The following LRRTM4 variants were observed in gnomAD, a reference collection of about 807,000 sequenced individuals.
The protein encoded by LRRTM4 is leucine rich repeat transmembrane neuronal 4.
In LRRTM4, 25 loss-of-function variants were observed where a neutral mutation model predicts 47.6. That is an observed-to-expected ratio of 0.53 (90% CI 0.38 to 0.73). The LOEUF (loss-of-function observed/expected upper bound fraction) is 0.73. Among genes scored for constraint, LRRTM4 ranks in the 30% least tolerant of loss-of-function variants. The pLI, the probability that LRRTM4 is intolerant of heterozygous loss-of-function variation, is 0.00. For missense variants in LRRTM4, 638 were observed against 713.4 expected, an observed-to-expected ratio of 0.89 and a Z score of 1.20; for synonymous variants, 311 against 269.5, an observed-to-expected ratio of 1.15 and a Z score of -1.51.
At chr2:77,073,848 A>G (rs1680245082) in intron 3 of LRRTM4, among the ~76,000 whole-genome samples, 1 of 151,542 alleles carries the variant, frequency 6.6e-6, no homozygotes, top group African/African-American at 2.4e-5. Context: ...TCAGCCAAGT[A>G]TTTTTTTTCT....
At chr2:77,321,085 A>G (rs1677775164) in intron 3 of LRRTM4, among the ~76,000 whole-genome samples, 1 of 152,156 alleles carries the variant, frequency 6.6e-6, no homozygotes, top group African/African-American at 2.4e-5. Flanking sequence ...AAAAAAGGAC[A>G]AAAAGAATAT....
chr2:76,779,630 C>G (rs1174233645), intron 3 of LRRTM4, among the ~76,000 whole-genome samples: 30 of 151,280 alleles, frequency 2.0e-4, no homozygotes, highest in African/African-American at 7.1e-4. Context: ...CTTCCTCCAT[C>G]CTTTTATTTT....
At chr2:77,443,896 A>G (rs1450547066) in intron 3 of LRRTM4, among the ~76,000 whole-genome samples, 2 of 152,142 alleles carry the variant, frequency 1.3e-5, no homozygotes, top group Non-Finnish European at 2.9e-5. Context: ...ACTCTGACTC[A>G]GGTTGAATCT....
chr2:76,779,333 A>G (rs372583761), intron 3 of LRRTM4, among the ~76,000 whole-genome samples: 3 of 150,610 alleles, frequency 2.0e-5, no homozygotes, highest in Non-Finnish European at 4.4e-5. Flanking sequence ...TTTCTGTCTC[A>G]TTGATCTGTC....
chr2:76,878,055 C>T (rs1010689955), intron 3 of LRRTM4, among the ~76,000 whole-genome samples: 3 of 152,038 alleles, frequency 2.0e-5, no homozygotes, highest in Non-Finnish European at 4.4e-5. Context: ...ATTTTTGCAA[C>T]AGCGTATGTT....
At chr2:77,277,913 C>T (rs1676404870) in intron 3 of LRRTM4, among the ~76,000 whole-genome samples, 2 of 151,906 alleles carry the variant, frequency 1.3e-5, no homozygotes, top group South Asian at 4.1e-4. Flanking sequence ...CTTATTAGGT[C>T]CATAAGAAAA....
chr2:77,301,927 T>C (rs931771439), intron 3 of LRRTM4, among the ~76,000 whole-genome samples: 2 of 152,104 alleles, frequency 1.3e-5, no homozygotes, highest in Non-Finnish European at 2.9e-5. Flanking sequence ...ATTTAAGATA[T>C]TGCCTAGCAA....
intron 3 of LRRTM4, among the ~76,000 whole-genome samples, chr2:77,147,941 T>C (rs1451962516): frequency 6.6e-6 from 1 of 152,204 alleles, no homozygotes; most frequent in African/African-American, 2.4e-5. Flanking sequence ...AAATGAAGCT[T>C]ATTTCATGCA....
rs549910930 is a variant in LRRTM4 at position 77,104,317 on chromosome 2, T to C, written c.1552-355401A>G. Among the ~76,000 whole-genome samples the C allele has an allele frequency of 9.8e-4, 149 of 152,290 alleles. 1 individual carries two copies. Among genetic ancestry groups the C allele is most frequent in the South Asian group, 1.9e-3 (9 of 4,824 alleles). ...CTCCTTCCAGGCCTTCCTGCTTCTG[T>C]TTCTGTCCCTCGTCAATTCACTCTC... On this transcript the variant is annotated intron_variant, in intron 3 of 3. Transcript: ENST00000409884.
chr2:77,522,230 G>A lies in LRRTM4; in HGVS notation c.-269C>T. 2.9e-6 allele frequency: 2 copies of A among 678,670 alleles called. No individual in the cohort carries two copies. The highest frequency in any genetic ancestry group is 5.4e-6 in the Non-Finnish European group (2 of 368,034). The allele number at this position is 678,670 out of a possible 1,614,324, so 42.0% of individuals were successfully genotyped here. A position where few individuals can be genotyped will look rare whatever the true frequency, so the allele number is the denominator to read the frequency against. On this transcript the variant is annotated 5_prime_UTR_variant, in exon 1 of 4. Transcript: ENST00000409884. ...TATGAGACCCCAGTTTAAAAGCTAT[G>A]CAGGCTAGGTTTATCCATTTAGCTG...
intron 3 of LRRTM4, among the ~76,000 whole-genome samples, chr2:76,873,375 C>T (rs1672681687): frequency 6.6e-6 from 1 of 151,400 alleles, no homozygotes; most frequent in East Asian, 1.9e-4. Flanking sequence ...TCTGTATATA[C>T]ACACATTATA....
At chr2:76,905,690 G>A (rs552561691) in intron 3 of LRRTM4, among the ~76,000 whole-genome samples, 2,098 of 146,226 alleles carry the variant, frequency 0.014, 71 homozygotes, top group African/African-American at 0.048. Flanking sequence ...CCAGAACTAC[G>A]TGAAGAATGC....
intron 3 of LRRTM4, among the ~76,000 whole-genome samples, chr2:76,768,039 T>G: frequency 6.6e-6 from 1 of 152,282 alleles, no homozygotes; most frequent in Non-Finnish European, 1.5e-5. Flanking sequence ...ATTTGTGACA[T>G]AATTGATTGA....
chr2:76,805,734 T>C (rs1029996779), intron 3 of LRRTM4, among the ~76,000 whole-genome samples: 3 of 152,146 alleles, frequency 2.0e-5, no homozygotes, highest in Non-Finnish European at 4.4e-5. Flanking sequence ...CCATCACGCA[T>C]CCACCAGAAA....
intron 3 of LRRTM4, among the ~76,000 whole-genome samples, chr2:76,980,402 T>C (rs1676564734): frequency 6.6e-6 from 1 of 152,092 alleles, no homozygotes; most frequent in Non-Finnish European, 1.5e-5. Context: ...TCCTGAGCAA[T>C]GTATCTGTTT....
intron 3 of LRRTM4, among the ~76,000 whole-genome samples, chr2:77,453,728 G>C (rs959792228): frequency 1.3e-5 from 2 of 151,896 alleles, no homozygotes; most frequent in African/African-American, 2.4e-5. Context: ...TATTTCTGTG[G>C]TATTTCTTTT....
At chr2:76,908,244 AC>A (rs1409386243) in intron 3 of LRRTM4, among the ~76,000 whole-genome samples, 4 of 152,016 alleles carry the variant, frequency 2.6e-5, no homozygotes, top group African/African-American at 9.7e-5. Flanking sequence ...GACAAAAACC[AC>A]ATGATTATCT....
At chr2:77,105,969 G>C (rs959703250) in intron 3 of LRRTM4, among the ~76,000 whole-genome samples, 2 of 152,076 alleles carry the variant, frequency 1.3e-5, no homozygotes, top group African/African-American at 4.8e-5. Context: ...CTTTCTCCAT[G>C]AAATTCACCA....
intron 3 of LRRTM4, among the ~76,000 whole-genome samples, chr2:77,466,220 A>T (rs193045244): frequency 6.6e-6 from 1 of 152,336 alleles, no homozygotes; most frequent in East Asian, 1.9e-4. Flanking sequence ...AGGCTTGTGA[A>T]TTTAATTGAA....
Sources: gnomAD v4.1 joint callset for allele counts (sites outside exome capture counted in the v4.1 genomes callset) on GRCh38, gnomAD v4.1.1 for gene constraint, MANE v1.5 for transcripts, NCBI Gene and HGNC (gene_info 2026-07-23, HGNC 2026-07-21) for gene names.